CYRIB: variants seen among roughly 807,000 people sequenced by gnomAD.
The protein encoded by CYRIB is CYFIP-related Rac1 interactor B.
In CYRIB, 8 loss-of-function variants were observed where a neutral mutation model predicts 44.2. The ratio of observed to expected loss-of-function variants is 0.18; its 90% CI spans 0.11 to 0.33. The LOEUF is 0.33. Among genes scored for constraint, CYRIB ranks in the 10% least tolerant of loss-of-function variants. The probability of loss-of-function intolerance (pLI) is 1.00; values close to 1 mark genes in which losing one functional copy is unlikely to be tolerated. For synonymous variants in CYRIB, 131 were observed against 127.2 expected, an observed-to-expected ratio of 1.03 and a Z score of -0.20; for missense variants, 185 against 382.8, an observed-to-expected ratio of 0.48 and a Z score of 4.31.
At position 129,869,264 on chromosome 8, in the gene CYRIB, T is replaced by C. The variant is rs2055765850; in HGVS notation, c.195+2111A>G. Among the ~76,000 whole-genome samples the C allele has an allele frequency of 2.7e-5, 4 of 150,308 alleles. No individual in the cohort carries two copies. The Admixed American group carries it at 2.7e-4, about 10-fold the overall frequency. On this transcript the variant is annotated intron_variant, in intron 4 of 11. Transcript: ENST00000519824. ...AGCTGGGCATGGTGGTGCATGCCTG[T>C]AATCCCAGCTACTCGGGAGGCTGAG...
intron 2 of CYRIB, among the ~76,000 whole-genome samples, chr8:129,900,139 T>C (rs1159566131): frequency 6.6e-6 from 1 of 151,994 alleles, no homozygotes; most frequent in African/African-American, 2.4e-5. Context: ...CCTAATTTTA[T>C]GAAAGAAGGG....
intron 2 of CYRIB, among the ~76,000 whole-genome samples, chr8:129,888,538 CA>C (rs2063712251): frequency 6.6e-6 from 1 of 152,182 alleles, no homozygotes; most frequent in South Asian, 2.1e-4. Flanking sequence ...TTCTGCTGCT[CA>C]GTAAGGCCTC....
chr8:129,847,038 T>G, intron 10 of CYRIB, 164 bp from the exon 13 acceptor site: 1 of 502,784 alleles, frequency 2.0e-6, no homozygotes, highest in Non-Finnish European at 3.4e-6. Context: ...ACCTAAGAGT[T>G]ATTATTCTCA....
At chr8:129,917,179 C>T (rs1459655379) in intron 1 of CYRIB, among the ~76,000 whole-genome samples, 1 of 152,178 alleles carries the variant, frequency 6.6e-6, no homozygotes, top group African/African-American at 2.4e-5. Context: ...GATTTAAGCG[C>T]TGATCTTAAA....
In CYRIB at chr8:129,897,020, A is replaced by G. The variant is rs573395601; in HGVS notation, c.-11+6292T>C. 3.3e-5 allele frequency among the ~76,000 whole-genome samples: 5 copies of G among 152,336 alleles called. No homozygotes were observed. In the South Asian group the frequency reaches 1.0e-3, roughly 32 times the overall value. On this transcript the variant is annotated intron_variant, in intron 2 of 11. Transcript: ENST00000519824. ...TATTCTCTGAAGTTAAGTATCCCTT[A>G]ATTTCTGGGGTTGACTAGGGGCTCT...
At chr8:130,006,260 G>A (rs1453855384) in intron 1 of CYRIB, among the ~76,000 whole-genome samples, 5 of 151,772 alleles carry the variant, frequency 3.3e-5, no homozygotes, top group South Asian at 2.1e-4. Context: ...CCGAGATCAC[G>A]CCGCTGTACT....
intron 1 of CYRIB, among the ~76,000 whole-genome samples, chr8:129,908,758 C>T (rs1189339730): frequency 1.3e-5 from 2 of 152,124 alleles, no homozygotes; most frequent in East Asian, 3.8e-4. Context: ...ATGCTTACTA[C>T]CACAAAATAG....
chr8:129,861,098 A>G (rs1233166234), intron 5 of CYRIB, among the ~76,000 whole-genome samples: 1 of 152,264 alleles, frequency 6.6e-6, no homozygotes, highest in African/African-American at 2.4e-5. Context: ...TATACATTTC[A>G]AAAATTCAAA....
At chr8:129,848,578 T>C (rs1210327133) in intron 10 of CYRIB, among the ~76,000 whole-genome samples, 1 of 152,186 alleles carries the variant, frequency 6.6e-6, no homozygotes, top group Non-Finnish European at 1.5e-5. Context: ...ACTGGCTGTC[T>C]TTTTAATTTC....
intron 6 of CYRIB, among the ~76,000 whole-genome samples, chr8:129,855,188 C>T (rs555250175): frequency 2.4e-4 from 36 of 152,052 alleles, no homozygotes; most frequent in South Asian, 1.9e-3. Flanking sequence ...GTCAGGAGTT[C>T]GAGATCAGCC....
chr8:130,005,468 T>C (rs777379926), intron 1 of CYRIB, among the ~76,000 whole-genome samples: 8 of 152,196 alleles, frequency 5.3e-5, no homozygotes, highest in Non-Finnish European at 1.2e-4. Flanking sequence ...GCCTAGATGA[T>C]TGTCACACTC....
At chr8:129,990,787 G>T (rs969158527) in intron 1 of CYRIB, among the ~76,000 whole-genome samples, 3 of 152,006 alleles carry the variant, frequency 2.0e-5, no homozygotes, top group Non-Finnish European at 2.9e-5. Flanking sequence ...GCCTCCCAAG[G>T]TGCTAGGATT....
chr8:130,006,663 T>TGTATATATATACAC (rs1564801311), intron 1 of CYRIB, among the ~76,000 whole-genome samples: 5 of 116,524 alleles, frequency 4.3e-5, no homozygotes, highest in African/African-American at 1.6e-4. Flanking sequence ...TATATATATG[T>TGTATATATATACAC]ATATATATAT....
At chr8:129,867,492 T>A (rs1384186262) in intron 4 of CYRIB, among the ~76,000 whole-genome samples, 1 of 151,994 alleles carries the variant, frequency 6.6e-6, no homozygotes, top group African/African-American at 2.4e-5. Flanking sequence ...TAATGGAAAG[T>A]ACTTATTTCC....
chr8:129,965,901 G>A (rs952672079), intron 2 of CYRIB, among the ~76,000 whole-genome samples: 6 of 152,084 alleles, frequency 3.9e-5, no homozygotes, highest in African/African-American at 1.4e-4. Context: ...ACCGAGGCTG[G>A]AGTGCAGTGG....
intron 1 of CYRIB, among the ~76,000 whole-genome samples, chr8:130,000,267 G>GT (rs750301726): frequency 1.3e-5 from 2 of 152,166 alleles, no homozygotes; most frequent in Non-Finnish European, 2.9e-5. Flanking sequence ...CAAACCTAGG[G>GT]TTTTTTCTGG....
intron 1 of CYRIB, among the ~76,000 whole-genome samples, chr8:129,910,477 CTTTTTTT>C (rs1171288097): frequency 2.5e-4 from 28 of 110,656 alleles, no homozygotes; most frequent in African/African-American, 4.8e-4. Context: ...CCTTCTTTCA[CTTTTTTT>C]TTTTTTTTTT....
chr8:129,843,017 A>T (rs1408160348), intron 11 of CYRIB, among the ~76,000 whole-genome samples: 1 of 152,280 alleles, frequency 6.6e-6, no homozygotes, highest in African/African-American at 2.4e-5. Flanking sequence ...AAGAGTGATT[A>T]TTATAAAGAT....
chr8:129,896,984 A>G (rs1020923478), intron 2 of CYRIB: 2 of 152,224 alleles, frequency 1.3e-5, no homozygotes, highest in Non-Finnish European at 2.9e-5. Flanking sequence ...AATTTGAGTT[A>G]AAAGATAAGG....
Sources: allele counts gnomAD v4.1 joint callset (sites outside exome capture counted in the v4.1 genomes callset), GRCh38; gene constraint gnomAD v4.1.1; transcripts MANE v1.5; gene names NCBI Gene and HGNC (gene_info 2026-07-23, HGNC 2026-07-21).